Variants in NAE1 observed in about 807,000 individuals in gnomAD.
The protein encoded by NAE1 is NEDD8-activating enzyme E1 regulatory subunit.
In NAE1, 59 loss-of-function variants were observed where a neutral mutation model predicts 88.0. The observed-to-expected ratio is 0.67, with a 90% CI of 0.54 to 0.83. NAE1 has a LOEUF of 0.83. NAE1 is among the 40% of genes least tolerant of loss of function. The pLI is 0.00. For missense variants in NAE1, 554 were observed against 632.8 expected (o/e 0.88, Z 1.34); for synonymous variants, 186 against 208.9 (o/e 0.89, Z 0.95).
chr16:66,809,419 T>C (rs1959696821), intron 15 of NAE1, among the ~76,000 whole-genome samples: 1 of 152,234 alleles, frequency 6.6e-6, no homozygotes, highest in Admixed American at 6.5e-5. Context: ...CAATGCCTGA[T>C]ATGGCTCTAA....
chr16:66,804,197 A>G (rs768675576), intron 19 of NAE1, among the ~76,000 whole-genome samples: 4 of 152,004 alleles, frequency 2.6e-5, no homozygotes, highest in Admixed American at 6.6e-5. Flanking sequence ...GAAGGGATAT[A>G]ATGGCACTGT....
At chr16:66,805,682 C>T in intron 19 of NAE1, 95 bp downstream of exon 19, 1 of 997,126 alleles carries the variant, frequency 1.0e-6, no homozygotes, top group Non-Finnish European at 1.4e-6. Flanking sequence ...CTTCACTGAC[C>T]TCCCTAATTA....
At chr16:66,805,491 T>C (rs575222850) in intron 19 of NAE1, 156 of 324,870 alleles carry the variant, frequency 4.8e-4, no homozygotes, top group Non-Finnish European at 6.9e-4. Flanking sequence ...ATTGAAAAAT[T>C]AGCCAGGCTT....
Position 66,813,581 on chromosome 16 carries a change from A to G in NAE1, c.1017T>C (p.Tyr339=), listed in dbSNP as rs774275883. 1.9e-6 allele frequency: 3 copies of G among 1,612,790 alleles called. No homozygotes were observed. The highest frequency in any genetic ancestry group is 1.1e-5 in the South Asian group (1 of 90,588). Residue 339 remains tyrosine (Y), a synonymous_variant, in exon 13 of 20, where the codon TAT becomes TAC. Coordinates refer to ENST00000290810, the MANE Select transcript of NAE1 (RefSeq NM_003905.4). The stretch of plus-strand genomic sequence containing the variant: ...TGACATACACGTTTTGCAGTTTTAT[A>G]TATTTGCCTGAATCTGCAATCATAT... ...IPDMIADSGK[Y]IKLQNVYREK... is the part of the protein sequence containing the mutation.
At chr16:66,813,542 T>C (rs1959907714) in intron 13 of NAE1, 22 bp downstream of exon 13, 7 of 1,586,672 alleles carry the variant, frequency 4.4e-6, no homozygotes, top group East Asian at 2.2e-5. Flanking sequence ...TTCTATTACA[T>C]AGTTTGAAAA....
intron 4 of NAE1, among the ~76,000 whole-genome samples, chr16:66,824,293 G>T (rs948494054): frequency 6.6e-6 from 1 of 152,000 alleles, no homozygotes; most frequent in Non-Finnish European, 1.5e-5. Flanking sequence ...GACTAACATG[G>T]TTTTGTAAGA....
chr16:66,803,248 T>C, intron 19 of NAE1, 130 bp from the exon 20 acceptor site: 1 of 621,604 alleles, frequency 1.6e-6, no homozygotes, highest in Non-Finnish European at 2.8e-6. Context: ...CAGATGCAGT[T>C]AGCTTACTGA....
chr16:66,811,480 T>G (rs574313564), intron 13 of NAE1, among the ~76,000 whole-genome samples: 4 of 152,180 alleles, frequency 2.6e-5, no homozygotes, highest in African/African-American at 9.7e-5. Context: ...TAGATAAACA[T>G]GCTCTACCTC....
intron 5 of NAE1, 57 bp downstream of exon 5, chr16:66,823,472 G>A: frequency 2.0e-6 from 3 of 1,493,648 alleles, no homozygotes; most frequent in Non-Finnish European, 2.7e-6. Context: ...CTGGGGCTTT[G>A]AATTATTTAA....
intron 9 of NAE1, 46 bp downstream of exon 9, chr16:66,817,379 C>G (rs368964309): frequency 1.9e-5 from 27 of 1,429,188 alleles, no homozygotes; most frequent in Non-Finnish European, 2.4e-5. Context: ...TTGTAAGAAA[C>G]TGAAAATACA....
intron 7 of NAE1, among the ~76,000 whole-genome samples, chr16:66,821,098 A>G (rs1960239467): frequency 6.6e-6 from 1 of 152,084 alleles, no homozygotes; most frequent in East Asian, 1.9e-4. Flanking sequence ...TGGAGTGGGG[A>G]AAGGTGGTGT....
At chr16:66,830,232 AAAGG>A (rs1960639741) in intron 1 of NAE1, among the ~76,000 whole-genome samples, 1 of 152,210 alleles carries the variant, frequency 6.6e-6, no homozygotes, top group African/African-American at 2.4e-5. Context: ...CAGCTTGGGG[AAAGG>A]TGGCAAAAAC....
At chr16:66,815,406 T>C (rs1457750799) in intron 11 of NAE1, among the ~76,000 whole-genome samples, 2 of 152,196 alleles carry the variant, frequency 1.3e-5, no homozygotes, top group Non-Finnish European at 2.9e-5. Context: ...CAGGCTGCAG[T>C]GCAGTGGCAC....
rs539170856 is a variant in NAE1, at chr16:66,810,742, G to T, written c.1065C>A (p.Ala355=). 3.7e-6 allele frequency: 6 copies of T among 1,614,068 alleles called. No homozygotes were observed. The highest frequency in any genetic ancestry group is 1.6e-4 in the Middle Eastern group (1 of 6,062). The change falls in exon 14 of 20, where the codon GCC becomes GCA. Residue 355 remains alanine (A), a synonymous_variant. Transcript: ENST00000290810. ...ATTTGGCAACATGATTACCCACAGC[G>T]GCAGCATCTTTCTTTGCTTTTTCAC... ...VYREKAKKDA[A]AVGNHVAKLL... is the part of the protein sequence containing the mutation.
chr16:66,817,036 G>T lies in NAE1; in HGVS notation c.685-8C>A. 6.3e-7 allele frequency: 1 copy of T among 1,580,756 alleles called. No individual in the cohort carries two copies. The highest frequency in any genetic ancestry group is 1.2e-5 in the South Asian group (1 of 83,214). On this transcript the variant is annotated splice_polypyrimidine_tract_variant and splice_region_variant and intron_variant, in intron 9 of 19. Coordinates refer to ENST00000290810, the MANE Select transcript of NAE1 (RefSeq NM_003905.4). ...AGGTATTCGTCCATTTGTCTAAATT[G>T]GTTAAAAATTTTAAAAATCTAGTTA...
chr16:66,826,301 A>G (rs1172426673), intron 3 of NAE1: 3 of 547,514 alleles, frequency 5.5e-6, no homozygotes, highest in East Asian at 6.1e-5. Flanking sequence ...ACTCCTTTGT[A>G]TTAATAACAA....
Position 66,816,984 on chromosome 16 carries a change from GA to G in NAE1, c.728del (p.Phe243SerfsTer4). 6.3e-7 allele frequency: 1 copy of G among 1,599,336 alleles called. No individual in the cohort carries two copies. The highest frequency in any genetic ancestry group is 1.2e-5 in the South Asian group (1 of 86,770). On this transcript the variant is annotated frameshift_variant, in exon 10 of 20. Transcript: ENST00000290810. LOFTEE classifies it high-confidence loss of function. ...TATTACCTTGTCTAATCAAATCTCT[GA>G]AGTCCTCTTTTTCTTTATACGTTTT... ...IPKTYKEKED[F>X]RDLIRQGILK...
At chr16:66,824,823 C>T (rs771212961) in intron 4 of NAE1, 32 bp downstream of exon 4, 10 of 1,582,446 alleles carry the variant, frequency 6.3e-6, no homozygotes, top group Non-Finnish European at 5.2e-6. Context: ...TCATTAGATG[C>T]TCACATCCAA....
At chr16:66,821,287 G>A (rs1960247633) in intron 7 of NAE1, among the ~76,000 whole-genome samples, 163 bp downstream of exon 7, 1 of 152,204 alleles carries the variant, frequency 6.6e-6, no homozygotes, top group Admixed American at 6.5e-5. Flanking sequence ...TACATAAAGA[G>A]TAGATTGCAG....
Sources: allele counts gnomAD v4.1 joint callset (sites outside exome capture counted in the v4.1 genomes callset), GRCh38; gene constraint gnomAD v4.1.1; transcripts MANE v1.5; gene names NCBI Gene and HGNC (gene_info 2026-07-23, HGNC 2026-07-21).